The following KLHL31 variants were observed in gnomAD, a reference collection of about 807,000 sequenced individuals.
KLHL31 encodes the protein kelch like family member 31, also known as kelch-like protein 31.
KLHL31 carries 32 observed loss-of-function variants against 47.1 expected under a neutral mutation model. That is an observed-to-expected ratio of 0.68 (90% CI 0.51 to 0.91). The LOEUF is 0.91. Ranked by LOEUF, KLHL31 falls within the 40% of genes least tolerant of loss-of-function variation. The pLI is 0.00. For synonymous variants in KLHL31, 330 were observed against 325.1 expected, an observed-to-expected ratio of 1.01 and a Z score of -0.16; for missense variants, 797 against 819.3, an observed-to-expected ratio of 0.97 and a Z score of 0.33.
rs1388509524 is a variant in KLHL31, at chr6:53,651,952, C to T, written c.1551G>A (p.Val517=). The change falls in exon 3 of 3, where the codon GTG becomes GTA. Residue 517 remains valine (V), a synonymous_variant. Coordinates refer to ENST00000370905, the MANE Select transcript of KLHL31 (RefSeq NM_001003760.5). The part of the protein sequence containing the change: ...CAVTLSDRVY[V]MGGSQLGPRG... ...GCGGCCCCAGCTGGCTGCCGCCCAT[C>T]ACGTACACTCTGTCGCTCAGCGTGA... is the stretch of plus-strand genomic sequence containing the variant. The T allele has an allele frequency of 6.3e-7, 1 of 1,593,038 alleles. No individual in the cohort carries two copies. The highest frequency in any genetic ancestry group is 1.1e-5 in the South Asian group (1 of 89,950).
At position 53,651,481 on chromosome 6, in the gene KLHL31, A is replaced by G; in HGVS notation, c.*117T>C. 9.2e-6 allele frequency: 10 copies of G among 1,087,302 alleles called. No individual in the cohort carries two copies. The highest frequency in any genetic ancestry group is 1.3e-5 in the Non-Finnish European group (10 of 779,562). The allele number at this position is 1,087,302 out of a possible 1,614,324, so 67.4% of individuals were successfully genotyped here. On this transcript the variant is annotated 3_prime_UTR_variant, in exon 3 of 3. Transcript: ENST00000370905. ...CAGGACATGTGCCTCGACATATTTT[A>G]CAATACAATCAGTGTAGTAAATGTT...
chr6:53,657,654 G>GTT (rs1554165231), intron 1 of KLHL31, among the ~76,000 whole-genome samples: 3 of 140,132 alleles, frequency 2.1e-5, no homozygotes, highest in Non-Finnish European at 4.6e-5. Flanking sequence ...GTGTGTGTGT[G>GTT]TTTTAAATCC....
intron 1 of KLHL31, among the ~76,000 whole-genome samples, chr6:53,657,393 A>G: frequency 6.6e-6 from 1 of 152,228 alleles, no homozygotes; most frequent in East Asian, 1.9e-4. Flanking sequence ...TAGAAAACTT[A>G]TATCAAACAG....
At chr6:53,657,265 T>C (rs1241990105) in intron 1 of KLHL31, among the ~76,000 whole-genome samples, 1 of 152,168 alleles carries the variant, frequency 6.6e-6, no homozygotes, top group African/African-American at 2.4e-5. Flanking sequence ...TTGGTGCAAA[T>C]ACTCTCATCA....
In KLHL31 at chr6:53,654,461, T is replaced by C. The variant is rs1297063599; in HGVS notation, c.812A>G (p.Tyr271Cys). The C allele has an allele frequency of 1.2e-6, 2 of 1,614,194 alleles. No homozygotes were observed. Among genetic ancestry groups the C allele is most frequent in the Non-Finnish European group, 8.5e-7 (1 of 1,180,018 alleles). ...CATCATTCTTGGTACGGATTGAACA[T>C]AATTGACCAGGTCTTGTGCAGAGAT... The part of the protein sequence containing the change: ...GTISAQDLVN[Y>C]VQSVPRMMQD... Residue 271 changes from tyrosine to cysteine, a missense_variant, in exon 2 of 3, where the codon TAT becomes TGT. Transcript: ENST00000370905.
In KLHL31 at chr6:53,652,258, G is replaced by T. The variant is rs757817861; in HGVS notation, c.1245C>A (p.Ser415Arg). 7 of 1,614,008 alleles carry T rather than the reference G, an allele frequency of 4.3e-6. No homozygotes were observed. The highest frequency in any genetic ancestry group is 1.3e-5 in the African/African-American group (1 of 74,954). The change falls in exon 3 of 3, where the codon AGC (serine) becomes AGA (arginine). Residue 415 changes from serine to arginine, a missense_variant. Ser to Arg is a moderately radical substitution (Grantham distance 110, BLOSUM62 -1). Transcript: ENST00000370905. ...MNQKRTHFSL[S>R]VFNGLVYAAG... is the part of the protein sequence containing the mutation. ...CGGCGTACACGAGCCCGTTGAACAC[G>T]CTCAGGCTGAAGTGCGTGCGCTTCT...
Position 53,654,747 on chromosome 6 carries a change from C to T in KLHL31, c.526G>A (p.Val176Ile). The T allele has an allele frequency of 6.2e-7, 1 of 1,614,142 alleles. No homozygotes were observed. The highest frequency in any genetic ancestry group is 1.1e-5 in the South Asian group (1 of 91,084). The change falls in exon 2 of 3, where the codon GTT becomes ATT. Residue 176 changes from valine to isoleucine, a missense_variant. By Grantham distance (29) the Val-to-Ile change is conservative. Transcript: ENST00000370905. ...EMSVENCMYV[V>I]NIAETYSLKN... ...AGGGAGTATGTTTCAGCAATATTAA[C>T]AACATACATGCAATTCTCAACACTC...
intron 1 of KLHL31, among the ~76,000 whole-genome samples, chr6:53,665,176 AC>A (rs775135569): frequency 7.9e-5 from 12 of 152,184 alleles, no homozygotes; most frequent in Non-Finnish European, 1.5e-4. Flanking sequence ...CTGATCAGTA[AC>A]AAATGTTAAA....
In KLHL31 at chr6:53,653,951, A is replaced by G. The variant is rs556777294; in HGVS notation, c.1172+150T>C. On this transcript the variant is annotated intron_variant, in intron 2 of 2. Coordinates refer to ENST00000370905, the MANE Select transcript of KLHL31 (RefSeq NM_001003760.5). ...AATGAATGTACTTTATATAATATAAAGTGCTGAACATACGTAAGGTGGCAT... is the reference window on the plus strand; with the variant it reads ...AATGAATGTACTTTATATAATATAAGGTGCTGAACATACGTAAGGTGGCAT... 1.1e-5 allele frequency: 7 copies of G among 610,754 alleles called. No individual in the cohort carries two copies. The South Asian group carries it at 1.2e-4, about 11-fold the overall frequency. The allele number at this position is 610,754 out of a possible 1,614,324, so 37.8% of individuals were successfully genotyped here.
At position 53,651,667 on chromosome 6, in the gene KLHL31, G is replaced by C. The variant is rs142874521; in HGVS notation, c.1836C>G (p.Leu612=). ...EATVGVSCCT[L]SMPNNVTRES... is the part of the protein sequence containing the mutation. Reference sequence around the variant, plus strand: ...CCCGAGTCACGTTGTTGGGCATCGAGAGGGTGCAGCAGGACACGCCGACAG... The same window carrying C: ...CCCGAGTCACGTTGTTGGGCATCGACAGGGTGCAGCAGGACACGCCGACAG... The change falls in exon 3 of 3, where the codon CTC becomes CTG. Residue 612 remains leucine, a synonymous_variant. Coordinates refer to ENST00000370905, the MANE Select transcript of KLHL31 (RefSeq NM_001003760.5). 1.9e-6 allele frequency: 3 copies of C among 1,614,048 alleles called. No individual in the cohort carries two copies. Among genetic ancestry groups the C allele is most frequent in the Non-Finnish European group, 2.5e-6 (3 of 1,180,034 alleles).
chr6:53,651,645 G>A lies in KLHL31; in HGVS notation c.1858C>T (p.Arg620Trp), dbSNP rs115408188. The A allele has an allele frequency of 1.9e-6, 3 of 1,614,124 alleles. 1 individual carries two copies. The highest frequency in any genetic ancestry group is 4.5e-5 in the East Asian group (2 of 44,872). ...GATACCGAACTGGCCCGGGATTCCC[G>A]AGTCACGTTGTTGGGCATCGAGAGG... The part of the protein sequence containing the change: ...CTLSMPNNVT[R>W]ESRASSVSSV... Residue 620 changes from arginine to tryptophan, a missense_variant, in exon 3 of 3, where the codon CGG becomes TGG. Coordinates refer to ENST00000370905, the MANE Select transcript of KLHL31 (RefSeq NM_001003760.5).
intron 1 of KLHL31, among the ~76,000 whole-genome samples, chr6:53,661,737 A>G (rs1289371171): frequency 6.6e-6 from 1 of 152,214 alleles, no homozygotes; most frequent in Non-Finnish European, 1.5e-5. Context: ...GTTTTATTCT[A>G]CGATGATACA....
At chr6:53,661,951 G>A (rs994879935) in intron 1 of KLHL31, among the ~76,000 whole-genome samples, 10 of 152,140 alleles carry the variant, frequency 6.6e-5, no homozygotes, top group Non-Finnish European at 1.3e-4. Flanking sequence ...AGTTGGATGA[G>A]GGTTTTACTT....
intron 1 of KLHL31, among the ~76,000 whole-genome samples, chr6:53,661,259 A>G (rs936233030): frequency 1.3e-5 from 2 of 152,228 alleles, no homozygotes; most frequent in Non-Finnish European, 2.9e-5. Context: ...TACAGAAAAG[A>G]CTAGCTCCCT....
rs1764432667 is a variant in KLHL31, at chr6:53,649,146, C to T, written c.*2452G>A. On this transcript the variant is annotated 3_prime_UTR_variant, in exon 3 of 3. Coordinates refer to ENST00000370905, the MANE Select transcript of KLHL31 (RefSeq NM_001003760.5). ...TGGTGTAAAGAATATGTTTCACTTA[C>T]ACATGAAAGTGGACACATATTATTT... The T allele has an allele frequency of 6.6e-6, 1 of 152,124 alleles. No individual in the cohort carries two copies. Among genetic ancestry groups the T allele is most frequent in the Non-Finnish European group, 1.5e-5 (1 of 67,988 alleles). 9.4% of individuals were successfully genotyped at this position (152,124 alleles called of 1,614,324 possible). A position where few individuals can be genotyped will look rare whatever the true frequency, so the allele number is the denominator to read the frequency against.
chr6:53,651,360 T>G lies in KLHL31; in HGVS notation c.*238A>C. 2.7e-6 allele frequency: 1 copy of G among 364,416 alleles called. No homozygotes were observed. The highest frequency in any genetic ancestry group is 4.6e-5 in the South Asian group (1 of 21,758). 22.6% of individuals were successfully genotyped at this position (364,416 alleles called of 1,614,324 possible). A position where few individuals can be genotyped will look rare whatever the true frequency, so the allele number is the denominator to read the frequency against. On this transcript the variant is annotated 3_prime_UTR_variant, in exon 3 of 3. Transcript: ENST00000370905. Reference sequence around the variant, plus strand: ...GTCTGCCACCCAGTGGCCGCTGAAATAAATTGTTTCTTTTGTTGGCCATTG... The same window carrying G: ...GTCTGCCACCCAGTGGCCGCTGAAAGAAATTGTTTCTTTTGTTGGCCATTG...
chr6:53,661,055 C>T (rs1489449191), intron 1 of KLHL31, among the ~76,000 whole-genome samples: 2 of 152,168 alleles, frequency 1.3e-5, no homozygotes, highest in African/African-American at 4.8e-5. Flanking sequence ...GGATCAGGAT[C>T]ATTGCTTTGA....
intron 1 of KLHL31, among the ~76,000 whole-genome samples, chr6:53,657,619 T>TGTGTGTGC (rs1232936084): frequency 2.1e-5 from 3 of 143,840 alleles, no homozygotes; most frequent in African/African-American, 5.3e-5. Context: ...TTTGTGTGTG[T>TGTGTGTGC]GTGTGTGTGT....
Position 53,650,600 on chromosome 6 carries a change from ATTG to A in KLHL31, c.*995_*997del, listed in dbSNP as rs1455183510. The A allele has an allele frequency of 6.6e-6, 1 of 152,178 alleles. No homozygotes were observed. The highest frequency in any genetic ancestry group is 1.9e-4 in the East Asian group (1 of 5,194). 9.4% of individuals were successfully genotyped at this position (152,178 alleles called of 1,614,324 possible). ...ATAAAAGATTGGGGCAAATAAAATT[ATTG>A]TTATTGGTTGTGTAAACTTCAAGCT... On this transcript the variant is annotated 3_prime_UTR_variant, in exon 3 of 3. Transcript: ENST00000370905.
Sources: gnomAD v4.1 joint callset for allele counts (sites outside exome capture counted in the v4.1 genomes callset) on GRCh38, gnomAD v4.1.1 for gene constraint, MANE v1.5 for transcripts, NCBI Gene and HGNC (gene_info 2026-07-23, HGNC 2026-07-21) for gene names.